The following SCFD2 variants were observed in gnomAD, a reference collection of about 807,000 sequenced individuals.
The protein encoded by SCFD2 is sec1 family domain-containing protein 2.
Under a neutral mutation model 58.9 loss-of-function variants are expected in SCFD2, and 54 were observed. The observed-to-expected ratio is 0.92, with a 90% CI of 0.74 to 1.15. The LOEUF (loss-of-function observed/expected upper bound fraction) is 1.15, where lower values mean the gene tolerates loss of function less well. Ranked by LOEUF, SCFD2 falls within the 50% of genes most tolerant of loss-of-function variation. The pLI is 0.00. For missense variants in SCFD2, 805 were observed against 836.6 expected (o/e 0.96, Z 0.47); for synonymous variants, 321 against 335.9 (o/e 0.96, Z 0.49).
chr4:53,131,185 T>C (rs2412407), intron 5 of SCFD2, among the ~76,000 whole-genome samples: 151,590 of 152,338 alleles, frequency 1, 75,427 homozygotes, highest in Middle Eastern at 1. Context: ...TACAAATTTT[T>C]GACAATGAGA....
chr4:53,302,310 GACAA>G (rs542358108), intron 3 of SCFD2, among the ~76,000 whole-genome samples: 103 of 152,220 alleles, frequency 6.8e-4, no homozygotes, highest in Non-Finnish European at 1.3e-3. Flanking sequence ...ACCAATAACA[GACAA>G]ACAGATAGCC....
intron 5 of SCFD2, among the ~76,000 whole-genome samples, chr4:52,975,027 A>G (rs995399442): frequency 2.0e-5 from 3 of 151,838 alleles, no homozygotes; most frequent in East Asian, 1.9e-4. Flanking sequence ...ATTCAAGATG[A>G]ATTAAAGACT....
At chr4:53,064,242 C>T (rs768419829) in intron 5 of SCFD2, among the ~76,000 whole-genome samples, 6 of 152,120 alleles carry the variant, frequency 3.9e-5, no homozygotes, top group Admixed American at 6.6e-5. Context: ...AAGCATAGCG[C>T]CCAGTAGTCT....
chr4:53,321,861 A>T (rs1196840814), intron 2 of SCFD2, among the ~76,000 whole-genome samples: 1 of 152,188 alleles, frequency 6.6e-6, no homozygotes, highest in African/African-American at 2.4e-5. Flanking sequence ...CCCTTTGTTC[A>T]TTCTTTCTTT....
At position 53,301,605 on chromosome 4, in the gene SCFD2, G is replaced by A. The variant is rs1164848998; in HGVS notation, c.1135+12031C>T. Reference sequence around the variant, plus strand: ...AATCCTCCCTAACTCATTTCATGAGGCCAGCATCATCCTAATACCAAAGCC... The same window carrying A: ...AATCCTCCCTAACTCATTTCATGAGACCAGCATCATCCTAATACCAAAGCC... On this transcript the variant is annotated intron_variant, in intron 3 of 8. Coordinates refer to ENST00000401642, the MANE Select transcript of SCFD2 (RefSeq NM_152540.4). Among the ~76,000 whole-genome samples the A allele has an allele frequency of 3.3e-5, 5 of 152,252 alleles. No individual in the cohort carries two copies. In the East Asian group the frequency reaches 7.7e-4, roughly 24 times the overall value.
chr4:52,935,128 G>A (rs1333297196), intron 5 of SCFD2, among the ~76,000 whole-genome samples: 3 of 152,110 alleles, frequency 2.0e-5, no homozygotes, highest in African/African-American at 4.8e-5. Flanking sequence ...TAAGCCCAGC[G>A]GGAACAAAGA....
chr4:53,283,135 G>A (rs530758692), intron 3 of SCFD2, among the ~76,000 whole-genome samples: 3 of 152,300 alleles, frequency 2.0e-5, no homozygotes, highest in Admixed American at 1.3e-4. Context: ...TATAAAACAT[G>A]TCAAGCACTT....
chr4:52,917,303 A>G (rs1236790501), intron 6 of SCFD2, among the ~76,000 whole-genome samples: 1 of 152,218 alleles, frequency 6.6e-6, no homozygotes, highest in Non-Finnish European at 1.5e-5. Flanking sequence ...AGTAGGAACC[A>G]GGCACAGAGA....
At chr4:53,078,736 G>T (rs1476658176) in intron 5 of SCFD2, among the ~76,000 whole-genome samples, 3 of 152,136 alleles carry the variant, frequency 2.0e-5, no homozygotes, top group Non-Finnish European at 4.4e-5. Context: ...AATTAGAAAT[G>T]AACCCATGTG....
At chr4:52,981,908 C>G (rs377210663) in intron 5 of SCFD2, among the ~76,000 whole-genome samples, 2 of 152,220 alleles carry the variant, frequency 1.3e-5, no homozygotes, top group South Asian at 4.1e-4. Context: ...GAGGTTCTTA[C>G]AGTGTGCAGA....
At chr4:53,255,963 G>C (rs189408942) in intron 4 of SCFD2, among the ~76,000 whole-genome samples, 2 of 149,510 alleles carry the variant, frequency 1.3e-5, no homozygotes, top group Non-Finnish European at 3.0e-5. Context: ...CTGGCCGGGT[G>C]GGGGGCTGAC....
intron 4 of SCFD2, among the ~76,000 whole-genome samples, chr4:53,203,082 G>T (rs1404406372): frequency 6.6e-6 from 1 of 152,058 alleles, no homozygotes; most frequent in East Asian, 1.9e-4. Flanking sequence ...GAGTGGTGAG[G>T]GAGGGCATCC....
At chr4:53,313,231 T>G (rs577007127) in intron 3 of SCFD2, among the ~76,000 whole-genome samples, 1 of 152,172 alleles carries the variant, frequency 6.6e-6, no homozygotes, top group Non-Finnish European at 1.5e-5. Flanking sequence ...CTTTTCTCAG[T>G]ACCATTTCAG....
chr4:52,972,226 C>T (rs534606144), intron 5 of SCFD2, among the ~76,000 whole-genome samples: 6 of 152,204 alleles, frequency 3.9e-5, no homozygotes, highest in Non-Finnish European at 7.4e-5. Flanking sequence ...ACTGGCAAAT[C>T]GGATAAAGAG....
rs58747141 is a variant in SCFD2, at chr4:53,232,946, C to A, written c.1311+40880G>T. On this transcript the variant is annotated intron_variant, in intron 4 of 8. Transcript: ENST00000401642. ...TCCAGAGATCATGGAGAAATCCATG[C>A]GCTAGCCCAACACTCCTGTCTAGTC... Among the ~76,000 whole-genome samples, 201 of 152,216 alleles carry A rather than the reference C, an allele frequency of 1.3e-3. 3 individuals are homozygous for A. The East Asian group carries it at 0.036, about 27-fold the overall frequency.
chr4:53,142,981 A>G (rs1726215656), intron 5 of SCFD2, among the ~76,000 whole-genome samples: 1 of 152,212 alleles, frequency 6.6e-6, no homozygotes, highest in Non-Finnish European at 1.5e-5. Flanking sequence ...TGTCTCTAAA[A>G]CTTAAAAATA....
rs369411706 is a variant in SCFD2 at position 53,356,731 on chromosome 4, C to CTTT, written c.839-3968_839-3966dup. ...TGAGTCACCACACCCAACTTGTAGACTTTTTTTTTTTTTTTTTTTTGTTGA... is the reference window on the plus strand; with the variant it reads ...TGAGTCACCACACCCAACTTGTAGACTTTTTTTTTTTTTTTTTTTTTTTGTTGA... On this transcript the variant is annotated intron_variant, in intron 1 of 8. Transcript: ENST00000401642. 9.3e-4 allele frequency among the ~76,000 whole-genome samples: 105 copies of CTTT among 112,910 alleles called. 1 individual carries two copies. Among genetic ancestry groups the CTTT allele is most frequent in the Non-Finnish European group, 1.3e-3 (69 of 54,998 alleles). The allele number at this position is 112,910 out of a possible 152,430, so 74.1% of individuals were successfully genotyped here. A position where few individuals can be genotyped will look rare whatever the true frequency, so the allele number is the denominator to read the frequency against.
intron 5 of SCFD2, among the ~76,000 whole-genome samples, chr4:52,998,510 A>G (rs1721794880): frequency 2.0e-5 from 3 of 152,210 alleles, no homozygotes; most frequent in Admixed American, 1.3e-4. Context: ...TTATTTCCAC[A>G]TTCATGAAAA....
chr4:52,944,392 C>G (rs1426211269), intron 5 of SCFD2, among the ~76,000 whole-genome samples: 1 of 152,064 alleles, frequency 6.6e-6, no homozygotes, highest in African/African-American at 2.4e-5. Context: ...CCTTCTTATG[C>G]CCAAATATCT....
Sources: allele counts gnomAD v4.1 joint callset (sites outside exome capture counted in the v4.1 genomes callset), GRCh38; gene constraint gnomAD v4.1.1; transcripts MANE v1.5; gene names NCBI Gene and HGNC (gene_info 2026-07-23, HGNC 2026-07-21).